Variants in FOXP1 observed in about 807,000 individuals in gnomAD.
FOXP1 encodes the protein forkhead box protein P1.
FOXP1 carries 15 observed loss-of-function variants against 98.2 expected under a neutral mutation model. That is an observed-to-expected ratio of 0.15 (90% CI 0.10 to 0.24). FOXP1 has a LOEUF of 0.24. Ranked by LOEUF, FOXP1 falls within the 10% of genes least tolerant of loss-of-function variation. FOXP1 has a pLI of 1.00. For missense variants in FOXP1, 633 were observed against 848.5 expected, an observed-to-expected ratio of 0.75 and a Z score of 3.15; for synonymous variants, 371 against 314.5, an observed-to-expected ratio of 1.18 and a Z score of -1.90.
At chr3:71,070,328 T>C (rs2053061826) in intron 7 of FOXP1, among the ~76,000 whole-genome samples, 1 of 152,132 alleles carries the variant, frequency 6.6e-6, no homozygotes, top group Non-Finnish European at 1.5e-5. Context: ...CCTGTATTAC[T>C]GTTGGGCATC....
intron 12 of FOXP1, among the ~76,000 whole-genome samples, chr3:71,009,047 C>A (rs1017389451): frequency 6.6e-6 from 1 of 150,802 alleles, no homozygotes; most frequent in African/African-American, 2.5e-5. Flanking sequence ...AAAGCTGTTA[C>A]CTGGCAAAGT....
chr3:71,452,813 C>T (rs1343604785), intron 3 of FOXP1, among the ~76,000 whole-genome samples: 1 of 152,192 alleles, frequency 6.6e-6, no homozygotes, highest in Non-Finnish European at 1.5e-5. Flanking sequence ...CCCTCCCTTC[C>T]TTCCCCTTTC....
intron 20 of FOXP1, among the ~76,000 whole-genome samples, chr3:70,964,443 T>C (rs1300636846): frequency 6.6e-6 from 1 of 152,252 alleles, no homozygotes; most frequent in Non-Finnish European, 1.5e-5. Flanking sequence ...AACAAAAACT[T>C]GGAGTTTGTA....
intron 3 of FOXP1, among the ~76,000 whole-genome samples, chr3:71,370,254 A>C (rs1449517978): frequency 1.3e-5 from 2 of 152,198 alleles, no homozygotes; most frequent in Non-Finnish European, 2.9e-5. Context: ...TACAGAAATA[A>C]AAGAATGCTA....
At chr3:71,294,459 C>G (rs570978318) in intron 5 of FOXP1, among the ~76,000 whole-genome samples, 1 of 152,292 alleles carries the variant, frequency 6.6e-6, no homozygotes, top group East Asian at 1.9e-4. Context: ...CACCCATCAT[C>G]AGCATCGTCA....
At position 70,955,509 on chromosome 3, in the gene FOXP1, T is replaced by C. The variant is rs1222427491; in HGVS notation, c.*3738A>G. ...GACACACGGGACTACCTCCCTAATGTATGCTTTTCTTTGAGAAAAAAAAAG... is the reference window on the plus strand; with the variant it reads ...GACACACGGGACTACCTCCCTAATGCATGCTTTTCTTTGAGAAAAAAAAAG... On this transcript the variant is annotated 3_prime_UTR_variant, in exon 21 of 21. Coordinates refer to ENST00000649528, the MANE Select transcript of FOXP1 (RefSeq NM_001349338.3). The C allele has an allele frequency of 4.3e-6, 1 of 232,756 alleles. No homozygotes were observed. The highest frequency in any genetic ancestry group is 2.2e-5 in the African/African-American group (1 of 45,264). The allele number at this position is 232,756 out of a possible 1,614,324, so 14.4% of individuals were successfully genotyped here. A position where few individuals can be genotyped will look rare whatever the true frequency, so the allele number is the denominator to read the frequency against.
chr3:71,023,243 C>A (rs2045669661), intron 11 of FOXP1, among the ~76,000 whole-genome samples: 1 of 152,196 alleles, frequency 6.6e-6, no homozygotes, highest in Non-Finnish European at 1.5e-5. Flanking sequence ...TGTTATCCTT[C>A]CAAATTATTT....
chr3:71,387,688 A>T (rs1287635017), intron 3 of FOXP1, among the ~76,000 whole-genome samples: 1 of 152,258 alleles, frequency 6.6e-6, no homozygotes, highest in Non-Finnish European at 1.5e-5. Context: ...TGCATGTGTG[A>T]TGATTACACA....
chr3:71,264,390 C>T (rs907470652), intron 5 of FOXP1, among the ~76,000 whole-genome samples: 3 of 152,140 alleles, frequency 2.0e-5, no homozygotes, highest in African/African-American at 7.2e-5. Context: ...TTATGGTAAA[C>T]CGCCAGCAAA....
intron 3 of FOXP1, among the ~76,000 whole-genome samples, chr3:71,417,784 G>A (rs2083325112): frequency 6.6e-6 from 1 of 151,980 alleles, no homozygotes; most frequent in African/African-American, 2.4e-5. Flanking sequence ...GAGGCTGTTG[G>A]GTTTAATTTG....
intron 5 of FOXP1, among the ~76,000 whole-genome samples, chr3:71,226,388 T>A (rs2065835718): frequency 6.6e-6 from 1 of 152,108 alleles, no homozygotes; most frequent in Non-Finnish European, 1.5e-5. Flanking sequence ...GCCTTTTCAG[T>A]TTGGGCTACT....
chr3:70,966,209 T>C, intron 19 of FOXP1, 153 bp from the exon 20 acceptor site: 1 of 734,292 alleles, frequency 1.4e-6, no homozygotes, highest in Non-Finnish European at 2.3e-6. Flanking sequence ...GATTTTGCTT[T>C]AAAAACGACT....
chr3:71,057,960 T>A (rs1361561908), intron 7 of FOXP1, among the ~76,000 whole-genome samples: 1 of 152,206 alleles, frequency 6.6e-6, no homozygotes, highest in Non-Finnish European at 1.5e-5. Context: ...TTCTGCCTGA[T>A]ACGGTTTTTT....
intron 5 of FOXP1, among the ~76,000 whole-genome samples, chr3:71,217,703 G>C (rs946292504): frequency 1.3e-5 from 2 of 152,088 alleles, no homozygotes; most frequent in Admixed American, 6.5e-5. Flanking sequence ...CATTAGCAGA[G>C]AGCAGGGAAG....
intron 5 of FOXP1, among the ~76,000 whole-genome samples, chr3:71,261,749 C>T (rs577828560): frequency 6.6e-6 from 1 of 152,080 alleles, no homozygotes; most frequent in Admixed American, 6.5e-5. Context: ...ATGTTACTCT[C>T]GAGGGGACGG....
At chr3:71,006,380 C>T (rs1420145329) in intron 12 of FOXP1, among the ~76,000 whole-genome samples, 2 of 152,184 alleles carry the variant, frequency 1.3e-5, no homozygotes, top group African/African-American at 2.4e-5. Flanking sequence ...AATTCCAACA[C>T]ACAATTTCAT....
chr3:71,220,497 C>A (rs141525096), intron 5 of FOXP1, among the ~76,000 whole-genome samples: 1 of 152,304 alleles, frequency 6.6e-6, no homozygotes, highest in African/African-American at 2.4e-5. Context: ...CCTGTAATCT[C>A]TGCACTTTGG....
intron 6 of FOXP1, among the ~76,000 whole-genome samples, chr3:71,158,191 GGGAA>G (rs2060943916): frequency 6.9e-6 from 1 of 145,828 alleles, no homozygotes; most frequent in Non-Finnish European, 1.5e-5. Flanking sequence ...GAAGGAGGGA[GGGAA>G]AGAAAGAAAG....
chr3:70,983,484 T>C (rs904725758), intron 14 of FOXP1, among the ~76,000 whole-genome samples: 2 of 152,174 alleles, frequency 1.3e-5, no homozygotes, highest in Non-Finnish European at 2.9e-5. Context: ...AAAAACTCTT[T>C]CAAAACAGTC....
Sources: gnomAD v4.1 joint callset for allele counts (sites outside exome capture counted in the v4.1 genomes callset) on GRCh38, gnomAD v4.1.1 for gene constraint, MANE v1.5 for transcripts, NCBI Gene and HGNC (gene_info 2026-07-23, HGNC 2026-07-21) for gene names.